GRIK2: variants seen among roughly 807,000 people sequenced by gnomAD.
The protein encoded by GRIK2 is glutamate ionotropic receptor kainate type subunit 2.
Under a neutral mutation model 100.3 loss-of-function variants are expected in GRIK2, and 32 were observed. The ratio of observed to expected loss-of-function variants is 0.32; its 90% CI spans 0.24 to 0.43. The LOEUF is 0.43. Ranked by LOEUF, GRIK2 falls within the 20% of genes least tolerant of loss-of-function variation. The pLI, the probability that GRIK2 is intolerant of heterozygous loss-of-function variation, is 1.00. For synonymous variants in GRIK2, 417 were observed against 389.4 expected (o/e 1.07, Z -0.83); for missense variants, 843 against 1,114.9 (o/e 0.76, Z 3.47).
chr6:101,787,549 TC>T (rs1249750855), intron 7 of GRIK2, among the ~76,000 whole-genome samples: 1 of 152,190 alleles, frequency 6.6e-6, no homozygotes, highest in African/African-American at 2.4e-5. Flanking sequence ...CTTAATTTAC[TC>T]CATGACCTAA....
chr6:102,015,768 C>T (rs1172193876), intron 14 of GRIK2, among the ~76,000 whole-genome samples: 1 of 152,138 alleles, frequency 6.6e-6, no homozygotes, highest in Non-Finnish European at 1.5e-5. Flanking sequence ...ACCAGTGGTC[C>T]AGGAGCACTT....
At chr6:101,908,146 A>G (rs936500642) in intron 12 of GRIK2, among the ~76,000 whole-genome samples, 2 of 151,542 alleles carry the variant, frequency 1.3e-5, no homozygotes, top group Non-Finnish European at 3.0e-5. Flanking sequence ...TTTAGAAGAA[A>G]ATTTTATTTA....
intron 12 of GRIK2, among the ~76,000 whole-genome samples, chr6:101,902,941 A>G (rs967526072): frequency 8.6e-5 from 13 of 151,988 alleles, no homozygotes; most frequent in African/African-American, 3.1e-4. Flanking sequence ...CTCAAATTAG[A>G]CAAAATTGAA....
chr6:101,529,762 A>C (rs999136070), intron 2 of GRIK2, among the ~76,000 whole-genome samples: 2 of 152,130 alleles, frequency 1.3e-5, no homozygotes, highest in African/African-American at 4.8e-5. Context: ...AGAGGCCTGG[A>C]CAAAGTCCTA....
intron 7 of GRIK2, among the ~76,000 whole-genome samples, chr6:101,767,761 A>G (rs1351813857): frequency 1.3e-5 from 2 of 152,212 alleles, no homozygotes; most frequent in East Asian, 3.8e-4. Flanking sequence ...CTGTACTATT[A>G]CAATGCATTA....
intron 2 of GRIK2, among the ~76,000 whole-genome samples, chr6:101,406,111 A>G (rs894232726): frequency 6.6e-6 from 1 of 152,116 alleles, no homozygotes; most frequent in African/African-American, 2.4e-5. Flanking sequence ...AAAGCAAACT[A>G]TGTTATATTC....
chr6:101,661,014 A>G (rs557720750), intron 4 of GRIK2, among the ~76,000 whole-genome samples: 4 of 152,228 alleles, frequency 2.6e-5, no homozygotes, highest in Admixed American at 2.6e-4. Flanking sequence ...ATGCTGGGAG[A>G]TCTGCTGCTC....
chr6:101,511,281 C>A (rs909120230), intron 2 of GRIK2, among the ~76,000 whole-genome samples: 8 of 152,160 alleles, frequency 5.3e-5, no homozygotes, highest in South Asian at 4.1e-4. Flanking sequence ...TTACATGACT[C>A]GGCTTCTTGA....
intron 5 of GRIK2, among the ~76,000 whole-genome samples, chr6:101,677,748 T>C (rs1770945785): frequency 6.6e-6 from 1 of 152,074 alleles, no homozygotes; most frequent in South Asian, 2.1e-4. Flanking sequence ...TAGGACAAAA[T>C]ATTTCTACTG....
chr6:101,598,407 A>G lies in GRIK2; in HGVS notation c.116-23542A>G, dbSNP rs112495016. ...ACTTTATTGGTGCAAGTCTTCCTCT[A>G]CTTTATTAGCTTTGTAATCTTAGAA... On this transcript the variant is annotated intron_variant, in intron 2 of 16. Coordinates refer to ENST00000369134, the MANE Select transcript of GRIK2 (RefSeq NM_021956.5). Among the ~76,000 whole-genome samples, 659 of 151,670 alleles carry G rather than the reference A, an allele frequency of 4.3e-3. 8 individuals are homozygous for G. Among genetic ancestry groups the G allele is most frequent in the African/African-American group, 0.015 (631 of 41,438 alleles).
At chr6:101,691,905 A>G (rs1299636696) in intron 7 of GRIK2, among the ~76,000 whole-genome samples, 1 of 151,982 alleles carries the variant, frequency 6.6e-6, no homozygotes, top group East Asian at 1.9e-4. Context: ...ATTTACTTGT[A>G]TAGCTGGGTG....
At chr6:101,630,815 TG>T (rs1298433298) in intron 4 of GRIK2, among the ~76,000 whole-genome samples, 11 of 152,122 alleles carry the variant, frequency 7.2e-5, no homozygotes, top group African/African-American at 2.4e-4. Flanking sequence ...GATGGACTTA[TG>T]TATCTGCTTT....
intron 7 of GRIK2, 29 bp downstream of exon 7, chr6:101,686,382 G>T: frequency 6.4e-7 from 1 of 1,560,948 alleles, no homozygotes; most frequent in Non-Finnish European, 8.8e-7. Flanking sequence ...AGATCAGTTT[G>T]TGTGTTTCTA....
chr6:101,617,253 A>T (rs1779932198), intron 2 of GRIK2, among the ~76,000 whole-genome samples: 1 of 151,756 alleles, frequency 6.6e-6, no homozygotes, highest in African/African-American at 2.4e-5. Flanking sequence ...ATTAAGAAAC[A>T]GATCATCACC....
intron 7 of GRIK2, among the ~76,000 whole-genome samples, chr6:101,768,796 G>A (rs1453174145): frequency 6.6e-6 from 1 of 152,108 alleles, no homozygotes; most frequent in Admixed American, 6.6e-5. Context: ...TTGAGCCTTG[G>A]CTCCTTGGCA....
intron 14 of GRIK2, among the ~76,000 whole-genome samples, chr6:102,010,862 A>G (rs1043806556): frequency 3.3e-5 from 5 of 151,906 alleles, no homozygotes; most frequent in African/African-American, 1.2e-4. Context: ...TTGGGTAGAG[A>G]GTTCATTTCT....
intron 11 of GRIK2, among the ~76,000 whole-genome samples, chr6:101,888,786 A>G (rs1169472419): frequency 6.6e-6 from 1 of 152,120 alleles, no homozygotes; most frequent in Non-Finnish European, 1.5e-5. Flanking sequence ...ACTCTTTGAA[A>G]GTTTTTACAT....
intron 10 of GRIK2, among the ~76,000 whole-genome samples, chr6:101,824,493 A>G (rs1234833164): frequency 2.0e-5 from 3 of 152,152 alleles, no homozygotes; most frequent in African/African-American, 7.2e-5. Flanking sequence ...TTTTCGATAG[A>G]CATTTTTCAC....
At chr6:101,528,310 T>C (rs1282593289) in intron 2 of GRIK2, among the ~76,000 whole-genome samples, 1 of 152,224 alleles carries the variant, frequency 6.6e-6, no homozygotes, top group African/African-American at 2.4e-5. Context: ...CTATATTATA[T>C]AACACCCACT....
Sources: gnomAD v4.1 joint callset for allele counts (sites outside exome capture counted in the v4.1 genomes callset) on GRCh38, gnomAD v4.1.1 for gene constraint, MANE v1.5 for transcripts, NCBI Gene and HGNC (gene_info 2026-07-23, HGNC 2026-07-21) for gene names.